Variants in CACNA2D3 observed in about 807,000 individuals in gnomAD.
CACNA2D3 encodes voltage-dependent calcium channel subunit alpha-2/delta-3.
Under a neutral mutation model 160.6 loss-of-function variants are expected in CACNA2D3, and 60 were observed. The observed-to-expected ratio is 0.37, with a 90% CI of 0.30 to 0.46. The LOEUF is 0.46. Among genes scored for constraint, CACNA2D3 ranks in the 20% least tolerant of loss-of-function variants. CACNA2D3 has a pLI of 1.00. For synonymous variants in CACNA2D3, 558 were observed against 492.9 expected (o/e 1.13, Z -1.75); for missense variants, 1,205 against 1,365.0 (o/e 0.88, Z 1.85).
At chr3:54,311,653 T>C (rs1703745863) in intron 2 of CACNA2D3, among the ~76,000 whole-genome samples, 1 of 152,078 alleles carries the variant, frequency 6.6e-6, no homozygotes, top group African/African-American at 2.4e-5. Flanking sequence ...AGGGTGCAAG[T>C]TTACATAGAA....
chr3:54,519,217 A>G (rs765152285), intron 5 of CACNA2D3, among the ~76,000 whole-genome samples: 1 of 140,572 alleles, frequency 7.1e-6, no homozygotes, highest in Non-Finnish European at 1.6e-5. Context: ...TCACTGAGAA[A>G]GAGGCTCCCC....
At chr3:54,928,775 T>C (rs1701102845) in intron 27 of CACNA2D3, among the ~76,000 whole-genome samples, 1 of 150,684 alleles carries the variant, frequency 6.6e-6, no homozygotes, top group African/African-American at 2.4e-5. Context: ...CTTCTTAATC[T>C]TTCTTCGTTT....
At chr3:54,195,561 C>T (rs1701063406) in intron 2 of CACNA2D3, among the ~76,000 whole-genome samples, 1 of 152,172 alleles carries the variant, frequency 6.6e-6, no homozygotes, top group Admixed American at 6.5e-5. Flanking sequence ...TTATAGTCCC[C>T]ACTTTTGTAA....
Position 54,838,647 on chromosome 3 carries a change from A to G in CACNA2D3, c.1550A>G (p.Lys517Arg), listed in dbSNP as rs541440344. The stretch of plus-strand genomic sequence containing the variant: ...CTTCTGAAGACCATCCCCAAATACA[A>G]GGTAATGAATGACCTAATCCCTGAA... ...KELLKTIPKY[K>R]LGIHGYAFAI... The change falls in exon 16 of 38, where the codon AAG becomes AGG. Residue 517 changes from lysine (K) to arginine (R), a missense_variant and splice_region_variant. By Grantham distance (26) the Lys-to-Arg change is conservative. Coordinates refer to ENST00000474759, the MANE Select transcript of CACNA2D3 (RefSeq NM_018398.3). 2.5e-6 allele frequency: 4 copies of G among 1,605,780 alleles called. No individual in the cohort carries two copies. The African/African-American group carries it at 5.3e-5, about 21-fold the overall frequency.
chr3:54,637,661 G>T (rs939969081), intron 10 of CACNA2D3: 1 of 152,020 alleles, frequency 6.6e-6, no homozygotes, highest in South Asian at 2.1e-4. Context: ...GATTAAGAAG[G>T]GGACGGACTT....
chr3:54,557,055 G>A (rs116216822), intron 5 of CACNA2D3, among the ~76,000 whole-genome samples: 3,237 of 152,012 alleles, frequency 0.021, 107 homozygotes, highest in African/African-American at 0.075. Flanking sequence ...TCTTTTAAAT[G>A]ACTGTAACAA....
intron 2 of CACNA2D3, among the ~76,000 whole-genome samples, chr3:54,241,764 G>A (rs1404800411): frequency 1.3e-5 from 2 of 152,244 alleles, no homozygotes; most frequent in Non-Finnish European, 2.9e-5. Flanking sequence ...ACAGTCAGCA[G>A]TCACCCAGCT....
intron 27 of CACNA2D3, among the ~76,000 whole-genome samples, chr3:54,939,697 T>C (rs1429840964): frequency 6.6e-6 from 1 of 152,212 alleles, no homozygotes; most frequent in Admixed American, 6.5e-5. Context: ...GTTTCCCTAT[T>C]CAGAAGCCGC....
At chr3:54,942,627 G>A (rs192716686) in intron 27 of CACNA2D3, among the ~76,000 whole-genome samples, 1 of 151,980 alleles carries the variant, frequency 6.6e-6, no homozygotes, top group Admixed American at 6.5e-5. Context: ...ACTGGTTCAC[G>A]CCTGTAATTC....
rs545261895 is a variant in CACNA2D3 at position 55,020,761 on chromosome 3, G to C, written c.2987+2444G>C. ...AACTACTCGGGAGATTGAGACAAGA[G>C]AATTGCTTGAACTCAGGAGGTGGAG... On this transcript the variant is annotated intron_variant, in intron 35 of 37. Coordinates refer to ENST00000474759, the MANE Select transcript of CACNA2D3 (RefSeq NM_018398.3). Among the ~76,000 whole-genome samples, 10 of 151,674 alleles carry C rather than the reference G, an allele frequency of 6.6e-5. No homozygotes were observed. In the South Asian group the frequency reaches 1.5e-3, roughly 22 times the overall value.
At chr3:54,165,758 A>G (rs1335115219) in intron 2 of CACNA2D3, among the ~76,000 whole-genome samples, 5 of 152,066 alleles carry the variant, frequency 3.3e-5, no homozygotes, top group Admixed American at 2.6e-4. Context: ...TGCGCATGCT[A>G]CTGCACTCCA....
intron 18 of CACNA2D3, among the ~76,000 whole-genome samples, 171 bp downstream of exon 18, chr3:54,871,793 C>T (rs529469827): frequency 2.0e-5 from 3 of 152,286 alleles, no homozygotes; most frequent in African/African-American, 7.2e-5. Context: ...TATAACTCTT[C>T]AGCCGGTCAG....
intron 11 of CACNA2D3, among the ~76,000 whole-genome samples, chr3:54,653,855 G>T (rs113340171): frequency 1.3e-5 from 2 of 152,256 alleles, no homozygotes; most frequent in East Asian, 1.9e-4. Context: ...GCAGGTGGGA[G>T]GACAGTGTAC....
chr3:54,649,439 G>T (rs1364915839), intron 11 of CACNA2D3, among the ~76,000 whole-genome samples: 1 of 152,222 alleles, frequency 6.6e-6, no homozygotes, highest in African/African-American at 2.4e-5. Context: ...CGGGAAATCA[G>T]AGACTCCCTA....
At position 54,638,886 on chromosome 3, in the gene CACNA2D3, T is replaced by C. The variant is rs987252210; in HGVS notation, c.1054-3242T>C. 4 of 151,842 alleles carry C rather than the reference T, an allele frequency of 2.6e-5. No homozygotes were observed. The South Asian group carries it at 6.2e-4, about 24-fold the overall frequency. The allele number at this position is 151,842 out of a possible 1,614,324, so 9.4% of individuals were successfully genotyped here. ...GCTTAGATTTTAGGTCAGGTGAGAA[T>C]TGAAGAGATTTTAAGTTCTTAAGAA... On this transcript the variant is annotated intron_variant, in intron 10 of 37. Coordinates refer to ENST00000474759, the MANE Select transcript of CACNA2D3 (RefSeq NM_018398.3).
intron 18 of CACNA2D3, among the ~76,000 whole-genome samples, chr3:54,878,339 GTCC>G (rs1286570887): frequency 1.3e-5 from 2 of 152,124 alleles, no homozygotes; most frequent in Admixed American, 6.5e-5. Context: ...TGCGTCTGCT[GTCC>G]TCCTCTGAAC....
In CACNA2D3 at chr3:54,593,732, C is replaced by G. The variant is rs187512298; in HGVS notation, c.963+11855C>G. Among the ~76,000 whole-genome samples the G allele has an allele frequency of 7.0e-4, 107 of 152,250 alleles. 2 individuals carry two copies. Among genetic ancestry groups the G allele is most frequent in the Admixed American group, 1.4e-3 (21 of 15,292 alleles). The stretch of plus-strand genomic sequence containing the variant: ...CCCTTTGCACATGAGCTGATTTGTG[C>G]TTATCCCTTGATAAGCACAGGCAAT... On this transcript the variant is annotated intron_variant, in intron 9 of 37. Coordinates refer to ENST00000474759, the MANE Select transcript of CACNA2D3 (RefSeq NM_018398.3).
intron 13 of CACNA2D3, among the ~76,000 whole-genome samples, chr3:54,790,846 G>T (rs1488913503): frequency 2.6e-5 from 4 of 152,012 alleles, no homozygotes; most frequent in Non-Finnish European, 5.9e-5. Flanking sequence ...CCATGCTCAG[G>T]GCTGTCACTA....
chr3:54,135,621 T>TG (rs1699800492), intron 2 of CACNA2D3, among the ~76,000 whole-genome samples: 1 of 152,234 alleles, frequency 6.6e-6, no homozygotes, highest in Non-Finnish European at 1.5e-5. Flanking sequence ...GGAGGAGTCT[T>TG]GCCTCCAGCG....
Sources: allele counts gnomAD v4.1 joint callset (sites outside exome capture counted in the v4.1 genomes callset), GRCh38; gene constraint gnomAD v4.1.1; transcripts MANE v1.5; gene names NCBI Gene and HGNC (gene_info 2026-07-23, HGNC 2026-07-21).